Variants in CCDC149 observed in about 807,000 individuals in gnomAD.
CCDC149 encodes the protein coiled-coil domain-containing protein 149.
Under a neutral mutation model 59.9 loss-of-function variants are expected in CCDC149, and 45 were observed. That is an observed-to-expected ratio of 0.75 (90% confidence interval 0.59 to 0.96). The LOEUF (loss-of-function observed/expected upper bound fraction) is 0.96, where lower values mean the gene tolerates loss of function less well. Ranked by LOEUF, CCDC149 falls within the 40% of genes least tolerant of loss-of-function variation. The pLI, the probability that CCDC149 is intolerant of heterozygous loss-of-function variation, is 0.00. For missense variants in CCDC149, 584 were observed against 664.7 expected, an observed-to-expected ratio of 0.88 and a Z score of 1.33; for synonymous variants, 245 against 260.6, an observed-to-expected ratio of 0.94 and a Z score of 0.58.
intron 1 of CCDC149, chr4:24,895,059 G>T (rs1560242547): frequency 6.6e-7 from 1 of 1,509,998 alleles, no homozygotes; most frequent in South Asian, 1.2e-5. Context: ...GACCATGATG[G>T]TGATGATGAT....
chr4:24,899,829 G>T (rs953635980), intron 1 of CCDC149, among the ~76,000 whole-genome samples: 1 of 152,134 alleles, frequency 6.6e-6, no homozygotes, highest in Non-Finnish European at 1.5e-5. Context: ...CCTCTATACA[G>T]TTAACAGGGC....
intron 3 of CCDC149, among the ~76,000 whole-genome samples, chr4:24,865,107 G>A (rs1004828344): frequency 6.6e-6 from 1 of 152,040 alleles, no homozygotes; most frequent in Non-Finnish European, 1.5e-5. Context: ...AATCAGAACT[G>A]GAACTCAAAA....
intron 1 of CCDC149, among the ~76,000 whole-genome samples, chr4:24,896,580 C>T (rs1418400120): frequency 6.6e-6 from 1 of 151,388 alleles, no homozygotes; most frequent in Non-Finnish European, 1.5e-5. Context: ...CTCTTTATAA[C>T]CAAATGATTT....
chr4:24,880,328 T>C (rs903856323), intron 1 of CCDC149, among the ~76,000 whole-genome samples: 14 of 152,244 alleles, frequency 9.2e-5, no homozygotes, highest in Middle Eastern at 3.2e-3. Context: ...CTGTGCCATC[T>C]AGGTTTGTGT....
intron 12 of CCDC149, among the ~76,000 whole-genome samples, chr4:24,818,014 T>G (rs1715128594): frequency 6.6e-6 from 1 of 152,046 alleles, no homozygotes; most frequent in Non-Finnish European, 1.5e-5. Context: ...AAAACTTTAT[T>G]CTATGGTAGC....
chr4:24,952,595 C>CAAAAA (rs869310845), intron 1 of CCDC149, among the ~76,000 whole-genome samples: 1 of 41,404 alleles, frequency 2.4e-5, no homozygotes, highest in Non-Finnish European at 3.7e-5. Context: ...AACTCCATCT[C>CAAAAA]AAAAAAAAAA....
At chr4:24,931,991 T>C (rs1722608799) in intron 1 of CCDC149, among the ~76,000 whole-genome samples, 1 of 151,890 alleles carries the variant, frequency 6.6e-6, no homozygotes, top group African/African-American at 2.4e-5. Flanking sequence ...AACTTACAGG[T>C]GAGAAAACTG....
At chr4:24,876,728 C>A in intron 1 of CCDC149, 31 bp from the exon 2 acceptor site, 1 of 1,575,080 alleles carries the variant, frequency 6.3e-7, no homozygotes, top group South Asian at 1.2e-5. Context: ...GGCAATGGGT[C>A]AAAAACATCC....
intron 4 of CCDC149, among the ~76,000 whole-genome samples, chr4:24,843,297 C>T (rs1717051950): frequency 6.6e-6 from 1 of 152,186 alleles, no homozygotes; most frequent in Non-Finnish European, 1.5e-5. Context: ...CTTTCTTGCC[C>T]CCAGTCCCCG....
chr4:24,835,875 T>TA (rs1167088344), intron 7 of CCDC149, among the ~76,000 whole-genome samples: 1 of 152,144 alleles, frequency 6.6e-6, no homozygotes, highest in Non-Finnish European at 1.5e-5. Flanking sequence ...TTATAACACT[T>TA]ACAACTAACA....
intron 1 of CCDC149, among the ~76,000 whole-genome samples, chr4:24,957,149 G>A (rs1032133100): frequency 1.3e-5 from 2 of 152,174 alleles, no homozygotes; most frequent in African/African-American, 4.8e-5. Flanking sequence ...GAAACTATCT[G>A]ACCATGAAGT....
At chr4:24,905,248 T>A (rs1163955291) in intron 1 of CCDC149, among the ~76,000 whole-genome samples, 1 of 151,950 alleles carries the variant, frequency 6.6e-6, no homozygotes, top group South Asian at 2.1e-4. Context: ...GGATACTAGA[T>A]GTGTGTTGTG....
chr4:24,900,745 T>C (rs1186531766), intron 1 of CCDC149, among the ~76,000 whole-genome samples: 1 of 152,158 alleles, frequency 6.6e-6, no homozygotes, highest in Non-Finnish European at 1.5e-5. Flanking sequence ...CACTTCAAGA[T>C]TGGCATCATG....
intron 1 of CCDC149, among the ~76,000 whole-genome samples, chr4:24,943,678 G>C (rs1040792069): frequency 6.6e-6 from 1 of 152,114 alleles, no homozygotes; most frequent in Non-Finnish European, 1.5e-5. Flanking sequence ...CTGACACAGG[G>C]CTAATATCCA....
At chr4:24,968,162 G>A (rs991681908) in intron 1 of CCDC149, among the ~76,000 whole-genome samples, 2 of 152,250 alleles carry the variant, frequency 1.3e-5, no homozygotes, top group Non-Finnish European at 2.9e-5. Context: ...GGATGTGCAT[G>A]TGACCACAGA....
At chr4:24,814,934 C>A (rs1390113198) in intron 12 of CCDC149, among the ~76,000 whole-genome samples, 3 of 152,176 alleles carry the variant, frequency 2.0e-5, no homozygotes, top group African/African-American at 4.8e-5. Flanking sequence ...TCTTGTATGT[C>A]CCAGGGATGA....
At chr4:24,895,962 A>G (rs1443071693) in intron 1 of CCDC149, among the ~76,000 whole-genome samples, 5 of 152,232 alleles carry the variant, frequency 3.3e-5, no homozygotes, top group African/African-American at 1.2e-4. Context: ...AGATCAGGTT[A>G]GCAGAAGCAG....
intron 1 of CCDC149, among the ~76,000 whole-genome samples, chr4:24,900,263 A>T (rs1721086574): frequency 1.3e-5 from 2 of 152,168 alleles, no homozygotes; most frequent in Admixed American, 1.3e-4. Flanking sequence ...TCTGCTAGAC[A>T]TCCTGTCCCA....
chr4:24,941,851 A>C (rs1239141263), intron 1 of CCDC149, among the ~76,000 whole-genome samples: 1 of 152,226 alleles, frequency 6.6e-6, no homozygotes, highest in Non-Finnish European at 1.5e-5. Context: ...ACCAGGAAGA[A>C]GTTGAATCTC....
Sources: allele counts gnomAD v4.1 joint callset (sites outside exome capture counted in the v4.1 genomes callset), GRCh38; gene constraint gnomAD v4.1.1; transcripts MANE v1.5; gene names NCBI Gene and HGNC (gene_info 2026-07-23, HGNC 2026-07-21).